Variants in TRPS1 observed in about 807,000 individuals in gnomAD.
TRPS1 encodes the protein zinc finger transcription factor Trps1.
In TRPS1, 6 loss-of-function variants were observed where a neutral mutation model predicts 101.2. The observed-to-expected ratio is 0.06, with a 90% CI of 0.03 to 0.12. The LOEUF (loss-of-function observed/expected upper bound fraction) is 0.12. TRPS1 is among the 10% of genes least tolerant of loss of function. The pLI is 1.00. For synonymous variants in TRPS1, 578 were observed against 589.8 expected (o/e 0.98, Z 0.29); for missense variants, 1,363 against 1,567.0 (o/e 0.87, Z 2.20).
intron 3 of TRPS1, among the ~76,000 whole-genome samples, chr8:115,611,757 G>A (rs570809444): frequency 2.3e-4 from 35 of 152,302 alleles, no homozygotes; most frequent in African/African-American, 6.7e-4. Context: ...GAGGAGGGCC[G>A]AGGCATTATC....
At chr8:115,482,555 G>A (rs1203905412) in intron 5 of TRPS1, among the ~76,000 whole-genome samples, 1 of 152,162 alleles carries the variant, frequency 6.6e-6, no homozygotes, top group Non-Finnish European at 1.5e-5. Context: ...AGCACATTCT[G>A]TCCCAATACT....
intron 5 of TRPS1, among the ~76,000 whole-genome samples, chr8:115,582,549 G>T (rs1339336487): frequency 6.6e-6 from 1 of 152,034 alleles, no homozygotes; most frequent in Non-Finnish European, 1.5e-5. Context: ...ATCTCAAATG[G>T]CCTGACAAAC....
Position 115,409,449 on chromosome 8 carries a change from T to C in TRPS1, c.*4574A>G, listed in dbSNP as rs372655747. The C allele has an allele frequency of 5.9e-5, 9 of 152,012 alleles. No individual in the cohort carries two copies. Among genetic ancestry groups the C allele is most frequent in the African/African-American group, 2.2e-4 (9 of 41,402 alleles). The allele number at this position is 152,012 out of a possible 1,614,324, so 9.4% of individuals were successfully genotyped here. On this transcript the variant is annotated 3_prime_UTR_variant, in exon 7 of 7. Coordinates refer to ENST00000395715, the MANE Select transcript of TRPS1 (RefSeq NM_014112.5). ...TTCCTTTCAAGAGAACACATGAATG[T>C]ACATTGTCTAGTTTCTCACGTGTGG... is the stretch of plus-strand genomic sequence containing the variant.
intron 5 of TRPS1, among the ~76,000 whole-genome samples, chr8:115,575,287 T>C (rs1050435543): frequency 2.6e-5 from 4 of 152,068 alleles, no homozygotes; most frequent in African/African-American, 9.7e-5. Flanking sequence ...TCAATAAATA[T>C]GATGTAGCAG....
intron 5 of TRPS1, among the ~76,000 whole-genome samples, chr8:115,446,596 T>C (rs1813742541): frequency 6.6e-6 from 1 of 152,204 alleles, no homozygotes; most frequent in Non-Finnish European, 1.5e-5. Flanking sequence ...GCCTGGTTTC[T>C]GATCACTTGT....
chr8:115,655,422 A>T (rs78315382), intron 1 of TRPS1, among the ~76,000 whole-genome samples: 5,114 of 152,250 alleles, frequency 0.034, 299 homozygotes, highest in African/African-American at 0.12. Flanking sequence ...TCCAAAGCAG[A>T]ATAGATGGGG....
rs140733218 is a variant in TRPS1 at position 115,493,781 on chromosome 8, A to G, written c.2701-75329T>C. On this transcript the variant is annotated intron_variant, in intron 5 of 6. Transcript: ENST00000395715. ...GCAATTTTATGTTAGTTTTTATGTA[A>G]TCTACATATAATTTTAAAAGATATG... Among the ~76,000 whole-genome samples the G allele has an allele frequency of 1.8e-3, 275 of 152,332 alleles. 2 individuals are homozygous for G. Among genetic ancestry groups the G allele is most frequent in the African/African-American group, 6.4e-3 (268 of 41,576 alleles).
At chr8:115,636,781 G>C (rs775761388) in intron 1 of TRPS1, among the ~76,000 whole-genome samples, 2 of 151,860 alleles carry the variant, frequency 1.3e-5, no homozygotes, top group South Asian at 4.2e-4. Context: ...GTGTGGTGGC[G>C]GGTGCCTGTA....
chr8:115,651,783 A>G (rs769504004), intron 1 of TRPS1, among the ~76,000 whole-genome samples: 2 of 152,182 alleles, frequency 1.3e-5, no homozygotes, highest in Non-Finnish European at 2.9e-5. Flanking sequence ...CGTAGAAGGC[A>G]TTTCATAAGG....
At chr8:115,512,488 T>C (rs1302740327) in intron 5 of TRPS1, among the ~76,000 whole-genome samples, 5 of 151,602 alleles carry the variant, frequency 3.3e-5, no homozygotes, top group Admixed American at 3.3e-4. Flanking sequence ...TTCTTCCCTC[T>C]AAAATGAATG....
chr8:115,431,459 T>C (rs1489377175), intron 5 of TRPS1, among the ~76,000 whole-genome samples: 13 of 152,034 alleles, frequency 8.6e-5, no homozygotes, highest in Admixed American at 8.5e-4. Flanking sequence ...TTTAAAAATA[T>C]ATGAATACAT....
intron 5 of TRPS1, among the ~76,000 whole-genome samples, chr8:115,448,510 G>A (rs573838714): frequency 2.6e-5 from 4 of 152,116 alleles, no homozygotes; most frequent in Non-Finnish European, 1.5e-5. Context: ...CTCTCTTTCC[G>A]GCTATTCTTT....
intron 5 of TRPS1, among the ~76,000 whole-genome samples, chr8:115,514,400 A>G (rs1326392893): frequency 6.6e-6 from 1 of 151,652 alleles, no homozygotes; most frequent in Non-Finnish European, 1.5e-5. Context: ...CTATGTCTCC[A>G]TTTTGATACC....
intron 5 of TRPS1, among the ~76,000 whole-genome samples, chr8:115,524,365 G>A (rs11783397): frequency 8.2e-6 from 1 of 121,680 alleles, no homozygotes; most frequent in African/African-American, 3.3e-5. Context: ...CTGTTGCTCA[G>A]GCTGGAGTGC....
intron 5 of TRPS1, among the ~76,000 whole-genome samples, chr8:115,436,194 G>C (rs775739975): frequency 7.2e-5 from 11 of 152,092 alleles, no homozygotes; most frequent in Non-Finnish European, 1.2e-4. Context: ...TCTGACTCAT[G>C]CAACTGAAAA....
intron 5 of TRPS1, among the ~76,000 whole-genome samples, chr8:115,453,889 G>A (rs1563742221): frequency 6.6e-6 from 1 of 152,220 alleles, no homozygotes; most frequent in South Asian, 2.1e-4. Flanking sequence ...GCCTTTGGAT[G>A]AGAGAAAACT....
At chr8:115,463,559 CTCAG>C (rs1412850662) in intron 5 of TRPS1, among the ~76,000 whole-genome samples, 3 of 152,106 alleles carry the variant, frequency 2.0e-5, no homozygotes, top group Non-Finnish European at 2.9e-5. Flanking sequence ...GCTGACCACA[CTCAG>C]TGAGTGTATG....
rs955388328 is a variant in TRPS1, at chr8:115,427,676, G to A, written c.2701-9224C>T. ...TATTACACCATATCCTGGCCTTAAA[G>A]AACGCTTATCTCTTCAAACCACCCA... On this transcript the variant is annotated intron_variant, in intron 5 of 6. Transcript: ENST00000395715. Among the ~76,000 whole-genome samples, 31 of 152,196 alleles carry A rather than the reference G, an allele frequency of 2.0e-4. 1 individual carries two copies. Among genetic ancestry groups the A allele is most frequent in the African/African-American group, 6.5e-4 (27 of 41,524 alleles).
chr8:115,616,628 T>G (rs1462958300), intron 3 of TRPS1, among the ~76,000 whole-genome samples: 1 of 152,088 alleles, frequency 6.6e-6, no homozygotes, highest in African/African-American at 2.4e-5. Flanking sequence ...GATTAATGAA[T>G]TCTTCATCTA....
Sources: gnomAD v4.1 joint callset for allele counts (sites outside exome capture counted in the v4.1 genomes callset) on GRCh38, gnomAD v4.1.1 for gene constraint, MANE v1.5 for transcripts, NCBI Gene and HGNC (gene_info 2026-07-23, HGNC 2026-07-21) for gene names.